The following SLCO3A1 variants were observed in gnomAD, a reference collection of about 807,000 sequenced individuals.
The protein encoded by SLCO3A1 is solute carrier organic anion transporter family member 3A1, also known as PGE1 transporter.
Under a neutral mutation model 63.1 loss-of-function variants are expected in SLCO3A1, and 27 were observed. The ratio of observed to expected loss-of-function variants is 0.43; its 90% CI spans 0.32 to 0.59. The LOEUF (loss-of-function observed/expected upper bound fraction) is 0.59, where lower values mean the gene tolerates loss of function less well. Among genes scored for constraint, SLCO3A1 ranks in the 20% least tolerant of loss-of-function variants. The pLI, the probability that SLCO3A1 is intolerant of heterozygous loss-of-function variation, is 0.09. For missense variants in SLCO3A1, 773 were observed against 945.8 expected, an observed-to-expected ratio of 0.82 and a Z score of 2.40; for synonymous variants, 473 against 409.9, an observed-to-expected ratio of 1.15 and a Z score of -1.86.
At chr15:92,009,187 A>G (rs901044660) in intron 2 of SLCO3A1, among the ~76,000 whole-genome samples, 5 of 152,174 alleles carry the variant, frequency 3.3e-5, no homozygotes, top group African/African-American at 1.2e-4. Flanking sequence ...CCTGAGTTAC[A>G]GTTGGGAAGT....
chr15:92,141,209 A>G (rs1346803877), intron 7 of SLCO3A1, among the ~76,000 whole-genome samples: 6 of 152,222 alleles, frequency 3.9e-5, no homozygotes, highest in Non-Finnish European at 8.8e-5. Flanking sequence ...CAGGGACTGC[A>G]TTTCTTCCCA....
At chr15:91,943,795 A>C (rs781752584) in intron 2 of SLCO3A1, among the ~76,000 whole-genome samples, 1 of 152,186 alleles carries the variant, frequency 6.6e-6, no homozygotes, top group South Asian at 2.1e-4. Flanking sequence ...CATCTGTGCT[A>C]GGTCATGATT....
rs150008436 is a variant in SLCO3A1 at position 92,132,194 on chromosome 15, T to C, written c.1512+3705T>C. ...TCCTTGCTCGCCACTCACCACTTTA[T>C]CGTTTCCATCAAGACGTGAAAATTC... On this transcript the variant is annotated intron_variant, in intron 7 of 9. Transcript: ENST00000318445. 2.3e-3 allele frequency among the ~76,000 whole-genome samples: 339 copies of C among 146,056 alleles called. 48 individuals carry two copies. Among genetic ancestry groups the C allele is most frequent in the Non-Finnish European group, 3.1e-3 (205 of 65,230 alleles).
rs865913211 is a variant in SLCO3A1, at chr15:91,883,199, C to T, written c.180+29111C>T. On this transcript the variant is annotated intron_variant, in intron 1 of 9. Coordinates refer to ENST00000318445, the MANE Select transcript of SLCO3A1 (RefSeq NM_013272.4). This position sits in a 1 kb window ranked among gnomAD's most constrained non-coding sequence, Gnocchi z 4.8. ...ATCCCTCCTTCCCCTTTTTTAACAG[C>T]GGGCAGTAAGTGGTCTGGGTTTCAC... Among the ~76,000 whole-genome samples, 8 of 152,174 alleles carry T rather than the reference C, an allele frequency of 5.3e-5. No homozygotes were observed. Among genetic ancestry groups the T allele is most frequent in the Admixed American group, 4.6e-4 (7 of 15,282 alleles).
intron 2 of SLCO3A1, among the ~76,000 whole-genome samples, chr15:91,958,009 C>T (rs1173379726): frequency 6.6e-6 from 1 of 151,960 alleles, no homozygotes; most frequent in Non-Finnish European, 1.5e-5. Flanking sequence ...ACTGCATGGA[C>T]CCGCCTCTAT....
At chr15:91,962,083 G>A (rs868132363) in intron 2 of SLCO3A1, among the ~76,000 whole-genome samples, 1 of 152,136 alleles carries the variant, frequency 6.6e-6, no homozygotes. Context: ...AGGCTCGCAG[G>A]GCCCAAGAAC....
intron 2 of SLCO3A1, among the ~76,000 whole-genome samples, chr15:92,011,598 T>G (rs1373275448): frequency 6.6e-6 from 1 of 152,236 alleles, no homozygotes; most frequent in Non-Finnish European, 1.5e-5. Context: ...TTGACAGTTA[T>G]TCTCTCTCTC....
At chr15:91,970,006 G>A (rs1233802347) in intron 2 of SLCO3A1, among the ~76,000 whole-genome samples, 1 of 152,192 alleles carries the variant, frequency 6.6e-6, no homozygotes, top group East Asian at 1.9e-4. Flanking sequence ...GCAAGGAAGT[G>A]TAGTGTTTTT....
chr15:91,992,789 G>T (rs114014316), intron 2 of SLCO3A1, among the ~76,000 whole-genome samples: 1 of 152,168 alleles, frequency 6.6e-6, no homozygotes, highest in Admixed American at 6.5e-5. Flanking sequence ...CAGGAGCCAA[G>T]GGTCCCAACT....
intron 2 of SLCO3A1, among the ~76,000 whole-genome samples, chr15:92,034,194 G>A (rs1376984828): frequency 6.6e-6 from 1 of 151,528 alleles, no homozygotes; most frequent in African/African-American, 2.4e-5. Context: ...GAGACTTGGG[G>A]CCGGGGATAG....
rs553088107 is a variant in SLCO3A1, at chr15:91,934,851, G to A, written c.646+18393G>A. Among the ~76,000 whole-genome samples, 3 of 152,242 alleles carry A rather than the reference G, an allele frequency of 2.0e-5. No homozygotes were observed. The Middle Eastern group carries it at 0.01, about 518-fold the overall frequency. Reference sequence around the variant, plus strand: ...GAGTTGTATAATTCCGTAAGTTACTGCCCTTCCTAACTAAGGCCCTGACTA... The same window carrying A: ...GAGTTGTATAATTCCGTAAGTTACTACCCTTCCTAACTAAGGCCCTGACTA... On this transcript the variant is annotated intron_variant, in intron 2 of 9. Coordinates refer to ENST00000318445, the MANE Select transcript of SLCO3A1 (RefSeq NM_013272.4).
chr15:92,164,323 A>T lies in SLCO3A1; in HGVS notation c.*1188A>T, dbSNP rs1026412101. 15 of 985,134 alleles carry T rather than the reference A, an allele frequency of 1.5e-5. No individual in the cohort carries two copies. In the South Asian group the frequency reaches 5.6e-4, roughly 37 times the overall value. The allele number at this position is 985,134 out of a possible 1,614,324, so 61.0% of individuals were successfully genotyped here. On this transcript the variant is annotated 3_prime_UTR_variant, in exon 10 of 10. Transcript: ENST00000318445. ...CAATGTGTTACAAGAAGAAAAAAAA[A>T]TGCTTCAAAAAGAGAGTGTATATGC...
intron 2 of SLCO3A1, among the ~76,000 whole-genome samples, chr15:92,085,019 C>G (rs1427864579): frequency 6.6e-6 from 1 of 152,214 alleles, no homozygotes; most frequent in Non-Finnish European, 1.5e-5. Context: ...TGTGCCAGGG[C>G]TGGGCCCCCA....
In SLCO3A1 at chr15:92,171,988, G is replaced by C. The variant is rs182021615; in HGVS notation, c.*126G>C. 19 of 720,284 alleles carry C rather than the reference G, an allele frequency of 2.6e-5. No individual in the cohort carries two copies. In the Admixed American group the frequency reaches 2.7e-4, roughly 10 times the overall value. 44.6% of individuals were successfully genotyped at this position (720,284 alleles called of 1,614,324 possible). A position where few individuals can be genotyped will look rare whatever the true frequency, so the allele number is the denominator to read the frequency against. ...GGTCCCCATGTGGATTATCCAGCCA[G>C]TGTGTGGTCCTTTGAGGCCCCAAGC... On this transcript the variant is annotated 3_prime_UTR_variant, in exon 11 of 11. Coordinates refer to the SLCO3A1 transcript ENST00000424469.
Position 92,163,402 on chromosome 15 carries a change from C to T in SLCO3A1, c.*267C>T, listed in dbSNP as rs918396967. 7.2e-6 allele frequency: 8 copies of T among 1,106,052 alleles called. No homozygotes were observed. In the African/African-American group the frequency reaches 1.3e-4, roughly 18 times the overall value. 68.5% of individuals were successfully genotyped at this position (1,106,052 alleles called of 1,614,324 possible). A position where few individuals can be genotyped will look rare whatever the true frequency, so the allele number is the denominator to read the frequency against. ...CACAGAGTCTACTTTGAAGGCACCT[C>T]ATGGTTTTCAGGATGCTGACAGCTG... is the stretch of plus-strand genomic sequence containing the variant. On this transcript the variant is annotated 3_prime_UTR_variant, in exon 10 of 10. Coordinates refer to ENST00000318445, the MANE Select transcript of SLCO3A1 (RefSeq NM_013272.4).
At chr15:92,117,435 G>A (rs994903845) in intron 4 of SLCO3A1, among the ~76,000 whole-genome samples, 7 of 152,142 alleles carry the variant, frequency 4.6e-5, no homozygotes, top group Non-Finnish European at 1.0e-4. Context: ...GTGAAAGCAC[G>A]GCAGAGGATC....
chr15:92,169,492 G>T (rs535136740), downstream of SLCO3A1, among the ~76,000 whole-genome samples: 1 of 152,318 alleles, frequency 6.6e-6, no homozygotes, highest in Non-Finnish European at 1.5e-5. Context: ...TGGGCTCTGG[G>T]GCTGTGTGTC....
At chr15:91,957,134 AC>A (rs1410632197) in intron 2 of SLCO3A1, among the ~76,000 whole-genome samples, 7 of 21,942 alleles carry the variant, frequency 3.2e-4, no homozygotes, top group African/African-American at 1.1e-3. Flanking sequence ...TAATATATAT[AC>A]TATATATTAT....
intron 2 of SLCO3A1, among the ~76,000 whole-genome samples, chr15:91,972,290 G>T (rs907396318): frequency 6.6e-6 from 1 of 152,134 alleles, no homozygotes; most frequent in Non-Finnish European, 1.5e-5. Context: ...AACCAAGGTG[G>T]TATGGTCTGA....
Sources: gnomAD v4.1 joint callset for allele counts (sites outside exome capture counted in the v4.1 genomes callset) on GRCh38, gnomAD v4.1.1 for gene constraint, Gnocchi (gnomAD v3.1) non-coding constraint, MANE v1.5 for transcripts, NCBI Gene and HGNC (gene_info 2026-07-23, HGNC 2026-07-21) for gene names.